The following AFAP1L2 variants were observed in gnomAD, a reference collection of about 807,000 sequenced individuals.
AFAP1L2 encodes actin filament-associated protein 1-like 2.
A neutral mutation model predicts 99.3 loss-of-function variants in AFAP1L2; 46 were observed. The ratio of observed to expected loss-of-function variants is 0.46; its 90% confidence interval spans 0.37 to 0.59. AFAP1L2 has a LOEUF of 0.59. AFAP1L2 is among the 20% of genes least tolerant of loss of function. The pLI, the probability that AFAP1L2 is intolerant of heterozygous loss-of-function variation, is 0.00. For synonymous variants in AFAP1L2, 397 were observed against 419.1 expected, an observed-to-expected ratio of 0.95 and a Z score of 0.64; for missense variants, 959 against 1,034.9, an observed-to-expected ratio of 0.93 and a Z score of 1.01.
intron 1 of AFAP1L2, chr10:114,363,291 A>G (rs904962334): frequency 1.5e-4 from 82 of 551,126 alleles, no homozygotes; most frequent in Non-Finnish European, 1.8e-4. Context: ...AGCCTGCAGA[A>G]TTCACGACAC....
At chr10:114,331,779 C>A in intron 4 of AFAP1L2, 24 bp downstream of exon 4, 1 of 1,331,044 alleles carries the variant, frequency 7.5e-7, no homozygotes, top group Non-Finnish European at 9.7e-7. Context: ...TCAGGGAAAT[C>A]AGGGGTCCTG....
chr10:114,394,214 G>A (rs1255300010), intron 1 of AFAP1L2, among the ~76,000 whole-genome samples: 1 of 152,176 alleles, frequency 6.6e-6, no homozygotes, highest in African/African-American at 2.4e-5. Flanking sequence ...GTCATTTCTT[G>A]CAGCAGGCCA....
chr10:114,300,404 GC>G, intron 14 of AFAP1L2, 40 bp downstream of exon 14: 12 of 1,607,864 alleles, frequency 7.5e-6, no homozygotes, highest in Non-Finnish European at 1.0e-5. Flanking sequence ...CTGAAGGGGC[GC>G]AGGAAGGTGG....
At position 114,295,897 on chromosome 10, in the gene AFAP1L2, T is replaced by C; in HGVS notation, c.*145A>G. 9 of 1,544,920 alleles carry C rather than the reference T, an allele frequency of 5.8e-6. No individual in the cohort carries two copies. The South Asian group carries it at 1.0e-4, about 18-fold the overall frequency. On this transcript the variant is annotated 3_prime_UTR_variant, in exon 19 of 19. Coordinates refer to ENST00000304129, the MANE Select transcript of AFAP1L2 (RefSeq NM_001001936.3). ...TCTGAAAAGGGACAGAGCCTCCTCT[T>C]AGCTGAAGCTCTCCATTCACAGTAC...
chr10:114,360,485 CTAGATAGATAGA>C (rs367617609), intron 1 of AFAP1L2, among the ~76,000 whole-genome samples: 4 of 124,364 alleles, frequency 3.2e-5, no homozygotes, highest in Non-Finnish European at 7.0e-5. Context: ...ATCTCAATAT[CTAGATAGATAGA>C]TAGATAGATA....
chr10:114,340,024 AAGAG>A (rs1396066569), intron 2 of AFAP1L2, among the ~76,000 whole-genome samples: 2,290 of 143,762 alleles, frequency 0.016, 21 homozygotes, highest in South Asian at 0.035. Flanking sequence ...AAAAAAAAAA[AAGAG>A]AGAGAGAGAT....
intron 7 of AFAP1L2, among the ~76,000 whole-genome samples, chr10:114,312,191 G>C (rs2043348046): frequency 6.6e-6 from 1 of 151,894 alleles, no homozygotes; most frequent in African/African-American, 2.4e-5. Flanking sequence ...CGGTGGATTT[G>C]AGCAGTCAGA....
chr10:114,283,569 T>C, the AFAP1L2 span, among the ~76,000 whole-genome samples: 3 of 152,178 alleles, frequency 2.0e-5, no homozygotes, highest in African/African-American at 7.2e-5. Context: ...TAGAGTGAAA[T>C]GGCTTTCAGT....
intron 1 of AFAP1L2, among the ~76,000 whole-genome samples, chr10:114,400,531 A>G (rs952169428): frequency 2.6e-5 from 4 of 152,190 alleles, no homozygotes; most frequent in Non-Finnish European, 4.4e-5. Context: ...AAAGCCTCTA[A>G]TAGCTGAAGG....
At chr10:114,359,837 A>G (rs1387518351) in intron 1 of AFAP1L2, among the ~76,000 whole-genome samples, 4 of 152,126 alleles carry the variant, frequency 2.6e-5, no homozygotes, top group Non-Finnish European at 5.9e-5. Context: ...TAAACATCCC[A>G]TCTTAAGGGC....
intron 1 of AFAP1L2, among the ~76,000 whole-genome samples, chr10:114,396,362 C>G (rs917154519): frequency 2.6e-5 from 4 of 152,322 alleles, no homozygotes; most frequent in Admixed American, 6.5e-5. Flanking sequence ...ATTCAGATCA[C>G]CCAGAGTGAT....
intron 4 of AFAP1L2, among the ~76,000 whole-genome samples, chr10:114,325,226 C>T (rs1564873609): frequency 6.6e-6 from 1 of 152,152 alleles, no homozygotes; most frequent in Non-Finnish European, 1.5e-5. Flanking sequence ...TGAGACAAAA[C>T]GTGATAGTGT....
At chr10:114,310,543 TG>T in intron 7 of AFAP1L2, 100 bp from the exon 8 acceptor site, 1 of 1,039,898 alleles carries the variant, frequency 9.6e-7, no homozygotes, top group Non-Finnish European at 1.4e-6. Flanking sequence ...GGAGAGTGGG[TG>T]GAGGTGAGAG....
chr10:114,289,601 C>T, the AFAP1L2 span: 3 of 1,253,444 alleles, frequency 2.4e-6, no homozygotes, highest in Non-Finnish European at 3.4e-6. Flanking sequence ...TGAGCACTTG[C>T]TTCCCAAGTG....
chr10:114,333,779 C>A (rs2047546852), intron 2 of AFAP1L2, among the ~76,000 whole-genome samples: 1 of 152,064 alleles, frequency 6.6e-6, no homozygotes, highest in African/African-American at 2.4e-5. Context: ...CCACTGCACT[C>A]CAGCCTGGGC....
intron 5 of AFAP1L2, 41 bp from the exon 6 acceptor site, chr10:114,315,806 G>A: frequency 6.4e-7 from 1 of 1,571,956 alleles, no homozygotes; most frequent in Non-Finnish European, 8.7e-7. Flanking sequence ...CATGGGGCAG[G>A]GGACAGTCCT....
At chr10:114,370,647 G>C (rs2053966485) in intron 1 of AFAP1L2, among the ~76,000 whole-genome samples, 1 of 152,222 alleles carries the variant, frequency 6.6e-6, no homozygotes, top group African/African-American at 2.4e-5. Context: ...CTGGGGCCCA[G>C]AGGATAAACT....
chr10:114,379,506 TA>T (rs1476529907), intron 1 of AFAP1L2, among the ~76,000 whole-genome samples: 1 of 152,206 alleles, frequency 6.6e-6, no homozygotes, highest in Non-Finnish European at 1.5e-5. Flanking sequence ...ATGGAATAGT[TA>T]AAACTTTGGA....
chr10:114,288,622 GA>G, the AFAP1L2 span, among the ~76,000 whole-genome samples: 2 of 152,250 alleles, frequency 1.3e-5, no homozygotes, highest in Non-Finnish European at 2.9e-5. Flanking sequence ...GGAAGGGGGA[GA>G]GGGGAAGTGG....
Sources: allele counts gnomAD v4.1 joint callset (sites outside exome capture counted in the v4.1 genomes callset), GRCh38; gene constraint gnomAD v4.1.1; transcripts MANE v1.5; gene names NCBI Gene and HGNC (gene_info 2026-07-23, HGNC 2026-07-21).